FAM107B: variants seen among roughly 807,000 people sequenced by gnomAD.
The protein encoded by FAM107B is family with sequence similarity 107 member B, also known as protein FAM107B.
A neutral mutation model predicts 31.5 loss-of-function variants in FAM107B; 21 were observed. That is an observed-to-expected ratio of 0.67 (90% CI 0.47 to 0.96). The LOEUF is 0.96. Ranked by LOEUF, FAM107B falls within the 40% of genes least tolerant of loss-of-function variation. The pLI is 0.00. For synonymous variants in FAM107B, 157 were observed against 141.5 expected, an observed-to-expected ratio of 1.11 and a Z score of -0.78; for missense variants, 452 against 377.1, an observed-to-expected ratio of 1.20 and a Z score of -1.64.
chr10:14,725,689 G>A (rs375084460), intron 1 of FAM107B, among the ~76,000 whole-genome samples: 68 of 152,206 alleles, frequency 4.5e-4, no homozygotes, highest in Admixed American at 2.7e-3. Context: ...TCTCTAATCC[G>A]ATTATGGGGT....
chr10:14,741,896 C>T (rs965151778), intron 1 of FAM107B, among the ~76,000 whole-genome samples: 13 of 151,774 alleles, frequency 8.6e-5, no homozygotes, highest in African/African-American at 3.1e-4. Flanking sequence ...TTAGTAGAGA[C>T]GGGGTTTCTA....
At chr10:14,541,664 A>G (rs1325718847) in intron 2 of FAM107B, among the ~76,000 whole-genome samples, 3 of 152,000 alleles carry the variant, frequency 2.0e-5, no homozygotes, top group Non-Finnish European at 4.4e-5. Flanking sequence ...CTAATTTCCC[A>G]CGTTTCCACA....
At chr10:14,683,190 C>T (rs994144298) in intron 1 of FAM107B, among the ~76,000 whole-genome samples, 1 of 151,752 alleles carries the variant, frequency 6.6e-6, no homozygotes, top group Admixed American at 6.6e-5. Flanking sequence ...TAGCCCCTTG[C>T]TGGTCTTGCT....
At chr10:14,762,756 A>T (rs1281795653) in intron 1 of FAM107B, among the ~76,000 whole-genome samples, 46 of 31,666 alleles carry the variant, frequency 1.5e-3, no homozygotes, top group African/African-American at 3.1e-3. Context: ...ACTCTGTCTC[A>T]CACACACACA....
chr10:14,566,627 G>T (rs1850690239), intron 2 of FAM107B, among the ~76,000 whole-genome samples: 1 of 152,216 alleles, frequency 6.6e-6, no homozygotes, highest in Non-Finnish European at 1.5e-5. Context: ...AACCAACACA[G>T]GTTGTTTATG....
intron 2 of FAM107B, among the ~76,000 whole-genome samples, chr10:14,576,311 G>A (rs113790107): frequency 5.3e-5 from 8 of 152,278 alleles, no homozygotes; most frequent in South Asian, 4.1e-4. Flanking sequence ...GGTGGATCAC[G>A]AGGTCAGGAG....
chr10:14,549,933 A>G (rs2131056394), intron 2 of FAM107B, among the ~76,000 whole-genome samples: 1 of 152,356 alleles, frequency 6.6e-6, no homozygotes, highest in South Asian at 2.1e-4. Flanking sequence ...CTAAAAACAA[A>G]GAGCTCACTG....
chr10:14,590,565 A>G (rs1309906423), intron 2 of FAM107B, among the ~76,000 whole-genome samples: 3 of 152,258 alleles, frequency 2.0e-5, no homozygotes, highest in Non-Finnish European at 4.4e-5. Context: ...TATGTAAATT[A>G]AATTCATTCG....
intron 1 of FAM107B, among the ~76,000 whole-genome samples, chr10:14,668,706 T>C (rs148695306): frequency 4.6e-4 from 70 of 152,336 alleles, no homozygotes; most frequent in African/African-American, 1.6e-3. Flanking sequence ...GAGTGTCTGC[T>C]ACGGGCTATT....
rs182496941 is a variant in FAM107B, at chr10:14,602,272, G to A, written c.469+65362C>T. On this transcript the variant is annotated intron_variant, in intron 2 of 4. Transcript: ENST00000181796. ...ACAAAAATGCACCTGAGTGGACACA[G>A]CCACAACTTCCTTCTTGTAGATTCT... 5.4e-3 allele frequency among the ~76,000 whole-genome samples: 817 copies of A among 152,314 alleles called. 4 individuals are homozygous for A. The highest frequency in any genetic ancestry group is 8.0e-3 in the Non-Finnish European group (544 of 68,034).
chr10:14,544,141 G>A (rs1457679476), intron 2 of FAM107B, among the ~76,000 whole-genome samples: 1 of 152,178 alleles, frequency 6.6e-6, no homozygotes, highest in African/African-American at 2.4e-5. Flanking sequence ...TGGAGCAGAT[G>A]TTATTTAACC....
rs754060636 is a variant in FAM107B, at chr10:14,774,544, G to A, written c.120C>T (p.Phe40=). The A allele has an allele frequency of 4.3e-6, 7 of 1,614,084 alleles. No individual in the cohort carries two copies. The South Asian group carries it at 4.4e-5, about 10-fold the overall frequency. ...GAGTATCAGCCACGCCGGACTGATT[G>A]AAGGAAGCACTCTCCCTCGTATTCC... The part of the protein sequence containing the change: ...CFGNTRESAS[F]NQSGVADTHS... Residue 40 remains phenylalanine (F), a synonymous_variant, in exon 1 of 5, where the codon TTC becomes TTT. Transcript: ENST00000181796.
rs369321562 is a variant in FAM107B at position 14,767,024 on chromosome 10, GTATA to G, written c.411+7225_411+7228del. On this transcript the variant is annotated intron_variant, in intron 1 of 4. Transcript: ENST00000181796. Reference sequence around the variant, plus strand: ...GCAGAACAATATCCCTGATGTGTATGTATATATATATATATATATATATATATAT... The same window carrying G: ...GCAGAACAATATCCCTGATGTGTATGTATATATATATATATATATATATAT... Among the ~76,000 whole-genome samples, 96 of 16,236 alleles carry G rather than the reference GTATA, an allele frequency of 5.9e-3. 3 individuals carry two copies. Among genetic ancestry groups the G allele is most frequent in the South Asian group, 0.014 (2 of 144 alleles). 10.7% of individuals were successfully genotyped at this position (16,236 alleles called of 152,430 possible).
chr10:14,622,240 C>T (rs952494034), intron 2 of FAM107B, among the ~76,000 whole-genome samples: 1 of 151,698 alleles, frequency 6.6e-6, no homozygotes, highest in Non-Finnish European at 1.5e-5. Flanking sequence ...GCAGAGGAGA[C>T]AGACATTGGA....
chr10:14,754,418 G>A (rs76136412), intron 1 of FAM107B, among the ~76,000 whole-genome samples: 3,185 of 152,308 alleles, frequency 0.021, 51 homozygotes, highest in Non-Finnish European at 0.034. Flanking sequence ...AATCCAAGCA[G>A]AGTGGTCTTA....
chr10:14,748,282 A>G (rs138034696), intron 1 of FAM107B, among the ~76,000 whole-genome samples: 38 of 152,342 alleles, frequency 2.5e-4, no homozygotes, highest in African/African-American at 8.9e-4. Flanking sequence ...TCAAGTTGGG[A>G]AGCAGCACAT....
At chr10:14,734,113 C>A (rs865842038) in intron 1 of FAM107B, among the ~76,000 whole-genome samples, 33 of 152,256 alleles carry the variant, frequency 2.2e-4, no homozygotes, top group Middle Eastern at 3.4e-3. Context: ...TATACAACTT[C>A]TTGTTCTGAA....
intron 2 of FAM107B, among the ~76,000 whole-genome samples, chr10:14,536,973 T>C (rs1588509374): frequency 6.6e-6 from 1 of 152,186 alleles, no homozygotes. Flanking sequence ...ATAAGGCACA[T>C]ATTTTATATT....
At chr10:14,583,042 G>A (rs530082866) in intron 2 of FAM107B, among the ~76,000 whole-genome samples, 39 of 148,930 alleles carry the variant, frequency 2.6e-4, no homozygotes, top group South Asian at 2.3e-3. Flanking sequence ...AGCGGAGATC[G>A]CGCCACTGCA....
Sources: gnomAD v4.1 joint callset for allele counts (sites outside exome capture counted in the v4.1 genomes callset) on GRCh38, gnomAD v4.1.1 for gene constraint, MANE v1.5 for transcripts, NCBI Gene and HGNC (gene_info 2026-07-23, HGNC 2026-07-21) for gene names.